The following CGNL1 variants were observed in gnomAD, a reference collection of about 807,000 sequenced individuals.
CGNL1 encodes cingulin-like protein 1.
Under a neutral mutation model 141.2 loss-of-function variants are expected in CGNL1, and 132 were observed. The observed-to-expected ratio is 0.93, with a 90% confidence interval of 0.81 to 1.08. CGNL1 has a LOEUF of 1.08. Ranked by LOEUF, CGNL1 falls within the 50% of genes least tolerant of loss-of-function variation. CGNL1 has a pLI of 0.00. For missense variants in CGNL1, 1,870 were observed against 1,588.6 expected (o/e 1.18, Z -3.01); for synonymous variants, 690 against 622.1 (o/e 1.11, Z -1.63).
chr15:57,395,267 A>G (rs545254133), intron 1 of CGNL1, among the ~76,000 whole-genome samples: 2 of 152,122 alleles, frequency 1.3e-5, no homozygotes, highest in South Asian at 4.1e-4. Flanking sequence ...GGGAAGAAAG[A>G]TGAGTTCCTT....
At chr15:57,439,689 A>G (rs1191365308) in intron 2 of CGNL1, 88 bp downstream of exon 2, 4 of 1,252,788 alleles carry the variant, frequency 3.2e-6, no homozygotes, top group Non-Finnish European at 3.3e-6. Context: ...GGCCATAGGA[A>G]TTACACATCC....
At chr15:57,502,227 A>C (rs796263278) in intron 8 of CGNL1, among the ~76,000 whole-genome samples, 6 of 152,290 alleles carry the variant, frequency 3.9e-5, no homozygotes, top group African/African-American at 1.4e-4. Flanking sequence ...TCTCGTTTGG[A>C]GGAAGGACAC....
At chr15:57,509,104 C>T (rs546801357) in intron 8 of CGNL1, among the ~76,000 whole-genome samples, 4 of 152,068 alleles carry the variant, frequency 2.6e-5, no homozygotes, top group African/African-American at 4.8e-5. Flanking sequence ...TATTGTGACC[C>T]GGGCCCTATT....
intron 1 of CGNL1, among the ~76,000 whole-genome samples, chr15:57,409,020 G>A (rs2062755090): frequency 7.5e-6 from 1 of 133,158 alleles, no homozygotes; most frequent in Middle Eastern, 3.5e-3. Flanking sequence ...CAGCCTGGGT[G>A]AGACAGTGAG....
intron 14 of CGNL1, among the ~76,000 whole-genome samples, chr15:57,532,732 T>A (rs375883213): frequency 5.9e-5 from 9 of 152,346 alleles, no homozygotes; most frequent in Admixed American, 3.3e-4. Flanking sequence ...TAGAGCCTAC[T>A]TTCTGTTGCA....
At chr15:57,400,615 G>T (rs1055578304) in intron 1 of CGNL1, among the ~76,000 whole-genome samples, 17 of 152,052 alleles carry the variant, frequency 1.1e-4, no homozygotes, top group Non-Finnish European at 1.9e-4. Flanking sequence ...GGGCATGGTG[G>T]CTCATGCCTG....
intron 14 of CGNL1, among the ~76,000 whole-genome samples, chr15:57,542,167 G>A (rs1296675214): frequency 6.6e-6 from 1 of 152,168 alleles, no homozygotes; most frequent in African/African-American, 2.4e-5. Flanking sequence ...GAAGGGGTGA[G>A]CTTATCTTTT....
chr15:57,404,754 C>T (rs766601781), intron 1 of CGNL1, among the ~76,000 whole-genome samples: 18 of 152,114 alleles, frequency 1.2e-4, no homozygotes, highest in Admixed American at 3.3e-4. Flanking sequence ...TCAAGAGGGG[C>T]GCCTGCTTTT....
At chr15:57,396,873 G>A (rs964567430) in intron 1 of CGNL1, 15 of 152,062 alleles carry the variant, frequency 9.9e-5, no homozygotes, top group Admixed American at 9.2e-4. Context: ...CTATACGGAA[G>A]GTGTTGTGCT....
At chr15:57,536,141 G>GT (rs1246517314) in intron 14 of CGNL1, among the ~76,000 whole-genome samples, 2 of 152,214 alleles carry the variant, frequency 1.3e-5, no homozygotes, top group African/African-American at 4.8e-5. Flanking sequence ...GCAAAAGAGT[G>GT]TGTGTAGGGG....
intron 1 of CGNL1, among the ~76,000 whole-genome samples, chr15:57,413,221 TCCTC>T (rs1555431835): frequency 1.9e-4 from 26 of 137,122 alleles, no homozygotes; most frequent in South Asian, 1.3e-3. Flanking sequence ...CTTCCTCTCT[TCCTC>T]CCTCCCTCCC....
In CGNL1 at chr15:57,438,331, C is replaced by G. The variant is rs2063133934; in HGVS notation, c.332C>G (p.Pro111Arg). The change falls in exon 2 of 19, where the codon CCT becomes CGT. Residue 111 changes from proline (P) to arginine (R), a missense_variant. Physicochemically the swap from Pro to Arg is moderately radical, Grantham distance 103 (BLOSUM62 -2). Transcript: ENST00000281282. ...CTTCCAGAAAACCCATACGCCCAGC[C>G]TAGCCCAATAAGAAACCTGAAACAG... Reference protein sequence around the residue: ...LQLPENPYAQPSPIRNLKQPL... With the variant: ...LQLPENPYAQRSPIRNLKQPL... 1 of 1,614,138 alleles carries G rather than the reference C, an allele frequency of 6.2e-7. No homozygotes were observed. Among genetic ancestry groups the G allele is most frequent in the South Asian group, 1.1e-5 (1 of 91,086 alleles).
chr15:57,474,101 G>T (rs1345961601), intron 8 of CGNL1, among the ~76,000 whole-genome samples: 1 of 151,532 alleles, frequency 6.6e-6, no homozygotes, highest in Non-Finnish European at 1.5e-5. Context: ...GGTAGAGACG[G>T]GGTTTCACCA....
rs151262247 is a variant in CGNL1, at chr15:57,458,313, A to G, written c.2191-3367A>G. 3.3e-3 allele frequency among the ~76,000 whole-genome samples: 499 copies of G among 152,306 alleles called. 3 individuals are homozygous for G. The highest frequency in any genetic ancestry group is 0.011 in the African/African-American group (466 of 41,570). On this transcript the variant is annotated intron_variant, in intron 7 of 18. Transcript: ENST00000281282. Reference sequence around the variant, plus strand: ...TCTCCCTTCTTTGATTGAAATAATTAAGCCCCGAGGTGATGGAGTGAAGTT... The same window carrying G: ...TCTCCCTTCTTTGATTGAAATAATTGAGCCCCGAGGTGATGGAGTGAAGTT...
In CGNL1 at chr15:57,523,735, C is replaced by T. The variant is rs556898547; in HGVS notation, c.2868+94C>T. The T allele has an allele frequency of 1.9e-5, 26 of 1,368,020 alleles. No individual in the cohort carries two copies. The African/African-American group carries it at 3.2e-4, about 17-fold the overall frequency. The allele number at this position is 1,368,020 out of a possible 1,614,324, so 84.7% of individuals were successfully genotyped here. Reference sequence around the variant, plus strand: ...GTCTGGTGAAAGCCTGGGAAACCTGCAGTAGGTCTAAGCACAAAAGTGTCA... The same window carrying T: ...GTCTGGTGAAAGCCTGGGAAACCTGTAGTAGGTCTAAGCACAAAAGTGTCA... On this transcript the variant is annotated intron_variant, in intron 11 of 18. Transcript: ENST00000281282.
chr15:57,380,210 T>A (rs2062409590), intron 1 of CGNL1, among the ~76,000 whole-genome samples: 2 of 152,026 alleles, frequency 1.3e-5, no homozygotes, highest in Admixed American at 1.3e-4. Flanking sequence ...ATTTTTGTAT[T>A]TTTAGTAGAG....
intron 1 of CGNL1, among the ~76,000 whole-genome samples, chr15:57,431,410 C>T (rs1454313403): frequency 2.0e-5 from 3 of 152,214 alleles, no homozygotes. Context: ...AGAGAGAAAA[C>T]ATAAAGCTCA....
intron 8 of CGNL1, among the ~76,000 whole-genome samples, chr15:57,506,542 G>A (rs1436367746): frequency 6.6e-6 from 1 of 152,198 alleles, no homozygotes; most frequent in Non-Finnish European, 1.5e-5. Flanking sequence ...TGCAGTCTTG[G>A]TGAGTGTGTG....
intron 1 of CGNL1, among the ~76,000 whole-genome samples, chr15:57,401,007 G>A (rs1158030017): frequency 6.6e-6 from 1 of 151,382 alleles, no homozygotes; most frequent in Non-Finnish European, 1.5e-5. Context: ...TACGCTTTAA[G>A]GATTTGATAA....
Sources: allele counts gnomAD v4.1 joint callset (sites outside exome capture counted in the v4.1 genomes callset), GRCh38; gene constraint gnomAD v4.1.1; transcripts MANE v1.5; gene names NCBI Gene and HGNC (gene_info 2026-07-23, HGNC 2026-07-21).